The following ASH1L variants were observed in gnomAD, a reference collection of about 807,000 sequenced individuals.
ASH1L encodes histone-lysine N-methyltransferase ASH1L.
A neutral mutation model predicts 269.0 loss-of-function variants in ASH1L; 23 were observed. The ratio of observed to expected loss-of-function variants is 0.09; its 90% CI spans 0.06 to 0.12. The LOEUF (loss-of-function observed/expected upper bound fraction) is 0.12, where lower values mean the gene tolerates loss of function less well. Among genes scored for constraint, ASH1L ranks in the 10% least tolerant of loss-of-function variants. The pLI, the probability that ASH1L is intolerant of heterozygous loss-of-function variation, is 1.00. For synonymous variants in ASH1L, 1,187 were observed against 1,253.5 expected (o/e 0.95, Z 1.12); for missense variants, 2,912 against 3,567.8 (o/e 0.82, Z 4.68).
chr1:155,349,709 CTTTTTTTTTTTT>C (rs993462774), intron 17 of ASH1L, 113 bp from the exon 18 acceptor site: 32 of 299,400 alleles, frequency 1.1e-4, no homozygotes, highest in Non-Finnish European at 1.2e-4. Context: ...AAATCCAAGT[CTTTTTTTTTTTT>C]TTTTTTTTTT....
chr1:155,451,915 C>G (rs1350620787), intron 4 of ASH1L, among the ~76,000 whole-genome samples: 1 of 151,620 alleles, frequency 6.6e-6, no homozygotes, highest in Non-Finnish European at 1.5e-5. Flanking sequence ...GAGATGGGGT[C>G]TCACCATGTT....
intron 4 of ASH1L, among the ~76,000 whole-genome samples, chr1:155,443,091 T>C (rs778172654): frequency 6.6e-6 from 1 of 152,218 alleles, no homozygotes; most frequent in Non-Finnish European, 1.5e-5. Flanking sequence ...CAAAATCACT[T>C]TTTATCTCCA....
rs529227374 is a variant in ASH1L at position 155,355,207 on chromosome 1, C to T, written c.7056-577G>A. ...CTGGGGTTATAGGTGCCTGCCACCACGCCCAGCTAATTTTTGTATTTTTAG... is the reference window on the plus strand; with the variant it reads ...CTGGGGTTATAGGTGCCTGCCACCATGCCCAGCTAATTTTTGTATTTTTAG... On this transcript the variant is annotated intron_variant, in intron 15 of 27. Coordinates refer to ENST00000392403, the MANE Select transcript of ASH1L (RefSeq NM_018489.3). 1.2e-3 allele frequency among the ~76,000 whole-genome samples: 188 copies of T among 152,288 alleles called. 3 individuals carry two copies. Among genetic ancestry groups the T allele is most frequent in the South Asian group, 0.012 (57 of 4,832 alleles).
intron 12 of ASH1L, among the ~76,000 whole-genome samples, chr1:155,369,404 G>A (rs989129242): frequency 1.3e-5 from 2 of 150,842 alleles, no homozygotes; most frequent in Non-Finnish European, 2.9e-5. Context: ...CTGAGATCGC[G>A]CCACTGCACT....
chr1:155,356,628 G>T (rs2148367348), intron 15 of ASH1L, among the ~76,000 whole-genome samples: 1 of 149,060 alleles, frequency 6.7e-6, no homozygotes, highest in East Asian at 2.0e-4. Context: ...GGGCGACACA[G>T]CGAGACTCCG....
chr1:155,378,154 T>C (rs185590006), intron 10 of ASH1L, 127 bp downstream of exon 10: 2 of 631,264 alleles, frequency 3.2e-6, no homozygotes, highest in East Asian at 2.6e-5. Context: ...CCACCCATTA[T>C]GGTTTATATA....
chr1:155,359,394 A>T (rs1654733256), intron 13 of ASH1L, among the ~76,000 whole-genome samples: 1 of 151,992 alleles, frequency 6.6e-6, no homozygotes, highest in African/African-American at 2.4e-5. Context: ...CTCCTGCCTC[A>T]GCCTCCTGAG....
chr1:155,419,445 G>A (rs1660492302), intron 5 of ASH1L: 1 of 151,780 alleles, frequency 6.6e-6, no homozygotes, highest in Non-Finnish European at 1.5e-5. Context: ...ATACAGAGAT[G>A]AGCATGGCCC....
chr1:155,357,609 C>G lies in ASH1L; in HGVS notation c.6936G>C (p.Lys2312Asn). 1 of 1,614,064 alleles carries G rather than the reference C, an allele frequency of 6.2e-7. No individual in the cohort carries two copies. Among genetic ancestry groups the G allele is most frequent in the East Asian group, 2.2e-5 (1 of 44,884 alleles). ...KKSGRSKEKR[K>N]SKHKLKKRRG... The stretch of plus-strand genomic sequence containing the variant: ...CCCTTTTCTTCAGCTTGTGCTTAGA[C>G]TTTCTCTTCTCTTTTGACCGTCCAG... The change falls in exon 14 of 28, where the codon AAG (lysine) becomes AAC (asparagine). Residue 2312 changes from lysine (K) to asparagine (N), a missense_variant. By Grantham distance (94) the Lys-to-Asn change is moderately conservative. Coordinates refer to ENST00000392403, the MANE Select transcript of ASH1L (RefSeq NM_018489.3).
intron 7 of ASH1L, among the ~76,000 whole-genome samples, chr1:155,391,656 T>A (rs745549661): frequency 3.3e-5 from 5 of 152,168 alleles, no homozygotes; most frequent in Non-Finnish European, 5.9e-5. Context: ...TATTATCCTA[T>A]GAAAATAACT....
chr1:155,346,180 GTATTT>G, intron 21 of ASH1L, 198 bp downstream of exon 21: 1 of 1,480,274 alleles, frequency 6.8e-7, no homozygotes, highest in Non-Finnish European at 9.0e-7. Flanking sequence ...AGATTTCTAA[GTATTT>G]TATTTTCCCT....
intron 19 of ASH1L, among the ~76,000 whole-genome samples, chr1:155,348,899 A>ATAT (rs56051732): frequency 0.012 from 1,641 of 132,620 alleles, 42 homozygotes; most frequent in African/African-American, 0.03. Flanking sequence ...AAAAAAAAAA[A>ATAT]ATATATATAT....
chr1:155,441,765 C>CTTTT (rs543915802), intron 4 of ASH1L, among the ~76,000 whole-genome samples: 1 of 125,462 alleles, frequency 8.0e-6, no homozygotes, highest in Non-Finnish European at 1.7e-5. Flanking sequence ...TGCGCCTGGC[C>CTTTT]TTTTTTTTTT....
chr1:155,477,008 G>A (rs1233614750), intron 3 of ASH1L, among the ~76,000 whole-genome samples: 1 of 152,082 alleles, frequency 6.6e-6, no homozygotes, highest in Non-Finnish European at 1.5e-5. Flanking sequence ...TGGAAAATCT[G>A]ATGAAATTTT....
intron 5 of ASH1L, among the ~76,000 whole-genome samples, chr1:155,417,953 C>T (rs933558057): frequency 2.7e-5 from 4 of 147,996 alleles, no homozygotes; most frequent in Non-Finnish European, 4.5e-5. Flanking sequence ...AGCAAAACTC[C>T]GTCTCAAAAA....
At chr1:155,442,276 C>T (rs536196169) in intron 4 of ASH1L, among the ~76,000 whole-genome samples, 2 of 151,968 alleles carry the variant, frequency 1.3e-5, no homozygotes, top group South Asian at 4.2e-4. Context: ...TAGACAGCAG[C>T]CTGAGTGATC....
At chr1:155,521,933 A>G (rs1206346611) in intron 1 of ASH1L, among the ~76,000 whole-genome samples, 1 of 152,168 alleles carries the variant, frequency 6.6e-6, no homozygotes, top group Admixed American at 6.6e-5. Context: ...TAACTTTCAT[A>G]TATTTTCGCA....
intron 6 of ASH1L, among the ~76,000 whole-genome samples, chr1:155,400,391 T>C (rs1210663328): frequency 6.6e-6 from 1 of 152,038 alleles, no homozygotes; most frequent in East Asian, 1.9e-4. Context: ...GAGTAATTTG[T>C]CCAAGGTCAC....
At chr1:155,377,198 T>C (rs1262674667) in intron 10 of ASH1L, among the ~76,000 whole-genome samples, 1 of 152,162 alleles carries the variant, frequency 6.6e-6, no homozygotes, top group East Asian at 1.9e-4. Context: ...TGAGCCACCA[T>C]GCCAGCCAAA....
Sources: allele counts gnomAD v4.1 joint callset (sites outside exome capture counted in the v4.1 genomes callset), GRCh38; gene constraint gnomAD v4.1.1; transcripts MANE v1.5; gene names NCBI Gene and HGNC (gene_info 2026-07-23, HGNC 2026-07-21).